Variants in ADAM12 observed in about 807,000 individuals in gnomAD.
ADAM12 encodes the protein disintegrin and metalloproteinase domain-containing protein 12.
A neutral mutation model predicts 106.4 loss-of-function variants in ADAM12; 70 were observed. That is an observed-to-expected ratio of 0.66 (90% CI 0.54 to 0.80). The LOEUF (loss-of-function observed/expected upper bound fraction) is 0.80, where lower values mean the gene tolerates loss of function less well. Ranked by LOEUF, ADAM12 falls within the 30% of genes least tolerant of loss-of-function variation. The probability of loss-of-function intolerance (pLI) is 0.00; values close to 1 mark genes in which losing one functional copy is unlikely to be tolerated. For missense variants in ADAM12, 1,010 were observed against 1,171.9 expected (o/e 0.86, Z 2.02); for synonymous variants, 420 against 433.5 (o/e 0.97, Z 0.39).
At position 126,148,092 on chromosome 10, in the gene ADAM12, A is replaced by G. The variant is rs139012385; in HGVS notation, c.339+7135T>C. Reference sequence around the variant, plus strand: ...TAATCTCCCCTTAGATGTGGGCAGCAAAGGATAAAGCCACAAATATTTCAT... The same window carrying G: ...TAATCTCCCCTTAGATGTGGGCAGCGAAGGATAAAGCCACAAATATTTCAT... On this transcript the variant is annotated intron_variant, in intron 4 of 22. Coordinates refer to ENST00000448723, the MANE Select transcript of ADAM12 (RefSeq NM_001288973.2). Among the ~76,000 whole-genome samples the G allele has an allele frequency of 3.9e-3, 588 of 152,252 alleles. 3 individuals are homozygous for G. The highest frequency in any genetic ancestry group is 0.013 in the African/African-American group (557 of 41,530).
chr10:126,210,510 A>C (rs898652536), intron 3 of ADAM12, among the ~76,000 whole-genome samples: 1 of 152,204 alleles, frequency 6.6e-6, no homozygotes, highest in African/African-American at 2.4e-5. Context: ...CAAGTGGGGT[A>C]GGGGCAGGGC....
At chr10:126,044,287 A>AC (rs1954257557) in intron 17 of ADAM12, among the ~76,000 whole-genome samples, 1 of 151,852 alleles carries the variant, frequency 6.6e-6, no homozygotes, top group African/African-American at 2.4e-5. Flanking sequence ...ATAAAAAAAA[A>AC]AAAAGTTAAA....
chr10:126,263,180 T>A (rs1336789667), intron 3 of ADAM12, among the ~76,000 whole-genome samples: 1 of 152,214 alleles, frequency 6.6e-6, no homozygotes, highest in Non-Finnish European at 1.5e-5. Context: ...GTAAGCATGA[T>A]TTCTGCCAGT....
In ADAM12 at chr10:126,012,449, A is replaced by G. The variant is rs1021067329; in HGVS notation, c.*4830T>C. On this transcript the variant is annotated 3_prime_UTR_variant, in exon 23 of 23. Coordinates refer to ENST00000448723, the MANE Select transcript of ADAM12 (RefSeq NM_001288973.2). ...CATAACAATAACTTTTTCTACTGAA[A>G]TAGCAGTTTGTGTTTACCTGTCGAA... The G allele has an allele frequency of 1.3e-5, 2 of 152,226 alleles. No individual in the cohort carries two copies. The highest frequency in any genetic ancestry group is 2.4e-5 in the African/African-American group (1 of 41,448). The allele number at this position is 152,226 out of a possible 1,614,324, so 9.4% of individuals were successfully genotyped here.
chr10:126,258,867 A>T (rs537112115), intron 3 of ADAM12, among the ~76,000 whole-genome samples: 1 of 152,298 alleles, frequency 6.6e-6, no homozygotes, highest in African/African-American at 2.4e-5. Context: ...ACGTAACAGC[A>T]TAATCCATTA....
chr10:126,271,577 C>T (rs989767498), intron 3 of ADAM12, among the ~76,000 whole-genome samples: 1 of 152,154 alleles, frequency 6.6e-6, no homozygotes, highest in Non-Finnish European at 1.5e-5. Context: ...CTGGTCTGGG[C>T]AACATGGTGA....
Position 126,039,371 on chromosome 10 carries a change from T to A in ADAM12, c.2163A>T (p.Gly721=). 1.9e-6 allele frequency: 3 copies of A among 1,614,052 alleles called. No homozygotes were observed. The highest frequency in any genetic ancestry group is 2.5e-6 in the Non-Finnish European group (3 of 1,180,002). ...TCTTCCTTTTGAGATAAACCACAAA[T>A]CCGGCAGCAAGAAGACACAGGATGG... The part of the protein sequence containing the change: ...LVTILCLLAA[G]FVVYLKRKTL... The change falls in exon 19 of 23, where the codon GGA becomes GGT. Residue 721 remains glycine, a synonymous_variant. Coordinates refer to ENST00000448723, the MANE Select transcript of ADAM12 (RefSeq NM_001288973.2).
chr10:126,141,957 G>T (rs1483344132), intron 4 of ADAM12, among the ~76,000 whole-genome samples: 2 of 152,118 alleles, frequency 1.3e-5, no homozygotes, highest in East Asian at 3.9e-4. Flanking sequence ...TTTTCTTTTA[G>T]CCAGCCCCTT....
intron 3 of ADAM12, among the ~76,000 whole-genome samples, chr10:126,245,480 T>C (rs1235817776): frequency 6.6e-6 from 1 of 151,812 alleles, no homozygotes; most frequent in Non-Finnish European, 1.5e-5. Context: ...CTTTAGAAGA[T>C]AGGGGGACCA....
At chr10:126,179,137 T>A (rs569369082) in intron 3 of ADAM12, among the ~76,000 whole-genome samples, 2 of 152,338 alleles carry the variant, frequency 1.3e-5, no homozygotes, top group Admixed American at 1.3e-4. Context: ...GTTTATTTCA[T>A]GAACAAAAGC....
intron 1 of ADAM12, among the ~76,000 whole-genome samples, chr10:126,372,549 C>A (rs1003645025): frequency 6.6e-6 from 1 of 152,192 alleles, no homozygotes; most frequent in African/African-American, 2.4e-5. Flanking sequence ...TTTATAACTA[C>A]AACGCCAGAA....
chr10:126,347,243 C>A (rs934683437), intron 1 of ADAM12, among the ~76,000 whole-genome samples: 1 of 152,100 alleles, frequency 6.6e-6, no homozygotes, highest in African/African-American at 2.4e-5. Flanking sequence ...TCAGCATTTG[C>A]GTGTCTGTAA....
intron 3 of ADAM12, among the ~76,000 whole-genome samples, chr10:126,256,706 C>T (rs1958899023): frequency 6.6e-6 from 1 of 152,172 alleles, no homozygotes; most frequent in Non-Finnish European, 1.5e-5. Context: ...AGCAGAGGAA[C>T]TGGAGAAAAT....
At chr10:126,022,754 T>C (rs559151317) in intron 21 of ADAM12, among the ~76,000 whole-genome samples, 2 of 152,344 alleles carry the variant, frequency 1.3e-5, no homozygotes, top group African/African-American at 4.8e-5. Context: ...CGATAAACAT[T>C]TCTTTAAATC....
At chr10:126,162,639 G>A (rs1302394357) in intron 3 of ADAM12, among the ~76,000 whole-genome samples, 2 of 152,086 alleles carry the variant, frequency 1.3e-5, no homozygotes, top group African/African-American at 4.8e-5. Flanking sequence ...AAAAATACAG[G>A]CTCCAGGAAG....
At chr10:126,373,907 T>A (rs916523398) in intron 1 of ADAM12, among the ~76,000 whole-genome samples, 1 of 152,148 alleles carries the variant, frequency 6.6e-6, no homozygotes, top group African/African-American at 2.4e-5. Context: ...AACCATGAGT[T>A]CAGTAACAGG....
chr10:126,144,418 G>A (rs1247652824), intron 4 of ADAM12, among the ~76,000 whole-genome samples: 1 of 152,196 alleles, frequency 6.6e-6, no homozygotes, highest in Non-Finnish European at 1.5e-5. Flanking sequence ...CCACTCTGCT[G>A]TAAGCTCTAT....
chr10:126,263,437 G>T (rs1320698798), intron 3 of ADAM12, among the ~76,000 whole-genome samples: 1 of 151,900 alleles, frequency 6.6e-6, no homozygotes, highest in African/African-American at 2.4e-5. Context: ...TTGGCTCAGT[G>T]CTTCTCCCCT....
Position 126,261,704 on chromosome 10 carries a change from C to T in ADAM12, c.260+17211G>A, listed in dbSNP as rs765173345. ...TAGATGAACAGAATATGCAGTATGG[C>T]ATCAAGCACTTCAATGTCCAAATGT... On this transcript the variant is annotated intron_variant, in intron 3 of 22. Coordinates refer to ENST00000448723, the MANE Select transcript of ADAM12 (RefSeq NM_001288973.2). Among the ~76,000 whole-genome samples the T allele has an allele frequency of 2.6e-4, 39 of 152,082 alleles. 1 individual carries two copies. Among genetic ancestry groups the T allele is most frequent in the Admixed American group, 3.3e-4 (5 of 15,264 alleles).
Sources: gnomAD v4.1 joint callset for allele counts (sites outside exome capture counted in the v4.1 genomes callset) on GRCh38, gnomAD v4.1.1 for gene constraint, MANE v1.5 for transcripts, NCBI Gene and HGNC (gene_info 2026-07-23, HGNC 2026-07-21) for gene names.